Variants in DAB2IP observed in about 807,000 individuals in gnomAD.
DAB2IP encodes the protein DAB2 interacting protein, also known as disabled homolog 2-interacting protein.
Under a neutral mutation model 107.2 loss-of-function variants are expected in DAB2IP, and 28 were observed. The observed-to-expected ratio is 0.26, with a 90% CI of 0.19 to 0.36. DAB2IP has a LOEUF of 0.36. DAB2IP is among the 10% of genes least tolerant of loss of function. The probability of loss-of-function intolerance (pLI) is 1.00; values close to 1 mark genes in which losing one functional copy is unlikely to be tolerated. For synonymous variants in DAB2IP, 755 were observed against 706.4 expected (o/e 1.07, Z -1.09); for missense variants, 1,400 against 1,644.7 (o/e 0.85, Z 2.57).
chr9:121,685,834 C>A (rs956372760), intron 2 of DAB2IP, among the ~76,000 whole-genome samples: 6 of 152,296 alleles, frequency 3.9e-5, no homozygotes, highest in African/African-American at 1.4e-4. Flanking sequence ...ACATTCCAGG[C>A]AAAGGCCAGG....
intron 3 of DAB2IP, among the ~76,000 whole-genome samples, chr9:121,712,852 G>T (rs930734365): frequency 1.5e-4 from 23 of 152,214 alleles, no homozygotes; most frequent in African/African-American, 5.3e-4. Flanking sequence ...TTTCTTTAAT[G>T]CATGGCTCCT....
rs746636789 is a variant in DAB2IP, at chr9:121,699,321, G to C, written c.229-4G>C. 2.1e-5 allele frequency: 30 copies of C among 1,411,722 alleles called. No homozygotes were observed. Among genetic ancestry groups the C allele is most frequent in the African/African-American group, 1.1e-4 (7 of 65,968 alleles). The allele number at this position is 1,411,722 out of a possible 1,614,324, so 87.4% of individuals were successfully genotyped here. A position where few individuals can be genotyped will look rare whatever the true frequency, so the allele number is the denominator to read the frequency against. ...CCTTCCCCCTCTTGTCCCCCCGTGC[G>C]CAGGGCTTCCTCAGCCGCCGCCTCA... On this transcript the variant is annotated splice_polypyrimidine_tract_variant and splice_region_variant and intron_variant, in intron 2 of 15. Coordinates refer to ENST00000408936, the Ensembl canonical transcript of DAB2IP. This position sits in a 1 kb window ranked among gnomAD's most constrained non-coding sequence, Gnocchi z 6.2.
chr9:121,570,679 G>C (rs1168468998), intron 1 of DAB2IP, among the ~76,000 whole-genome samples: 3 of 151,808 alleles, frequency 2.0e-5, no homozygotes, highest in Non-Finnish European at 4.4e-5. Flanking sequence ...CTTCAGAATA[G>C]CTGGACTACA....
exon 9 of DAB2IP, chr9:121,766,503 A>G (rs745410455): frequency 6.2e-7 from 1 of 1,606,534 alleles, no homozygotes; most frequent in East Asian, 2.2e-5. Context: ...GTGTCTTCCC[A>G]CGGGAGTTGA....
chr9:121,682,700 G>C (rs989819842), intron 2 of DAB2IP, among the ~76,000 whole-genome samples: 2 of 152,206 alleles, frequency 1.3e-5, no homozygotes, highest in Non-Finnish European at 2.9e-5. Flanking sequence ...GTACAGTTCA[G>C]GCATAAATAG....
intron 1 of DAB2IP, among the ~76,000 whole-genome samples, chr9:121,641,892 C>CCTTTCTTTCTTTTTCTTT (rs796365103): frequency 1.1e-5 from 1 of 89,334 alleles, no homozygotes; most frequent in African/African-American, 5.3e-5. Context: ...CATTTCTTTC[C>CCTTTCTTTCTTTTTCTTT]CTTTCTTTCT....
intron 3 of DAB2IP, among the ~76,000 whole-genome samples, chr9:121,733,529 C>A (rs949139197): frequency 3.3e-5 from 5 of 152,176 alleles, no homozygotes; most frequent in Non-Finnish European, 7.3e-5. Context: ...AGAAGACGGC[C>A]TGCAGTGTGT....
At chr9:121,680,457 G>T (rs1276709138) in intron 2 of DAB2IP, among the ~76,000 whole-genome samples, 2 of 152,160 alleles carry the variant, frequency 1.3e-5, no homozygotes, top group African/African-American at 2.4e-5. Context: ...AGACGATTCA[G>T]GGTCATGGCC....
rs2118731815 is a variant in DAB2IP at position 121,699,726 on chromosome 9, C to A, written c.362+268C>A. On this transcript the variant is annotated intron_variant, in intron 3 of 15. Transcript: ENST00000408936. This position sits in a 1 kb window ranked among gnomAD's most constrained non-coding sequence, Gnocchi z 6.2. ...CCCGGGCGAGGCCGGGCGCGAAGTC[C>A]CCTCGCAGGGAAGTCCTGCCTCGCC... 6.6e-6 allele frequency among the ~76,000 whole-genome samples: 1 copy of A among 152,258 alleles called. No individual in the cohort carries two copies. Among genetic ancestry groups the A allele is most frequent in the East Asian group, 1.9e-4 (1 of 5,152 alleles).
rs189853438 is a variant in DAB2IP at position 121,620,625 on chromosome 9, T to C, written c.40+53397T>C. Among the ~76,000 whole-genome samples, 410 of 152,288 alleles carry C rather than the reference T, an allele frequency of 2.7e-3. 5 individuals carry two copies. Among genetic ancestry groups the C allele is most frequent in the African/African-American group, 9.0e-3 (372 of 41,558 alleles). ...TAAACTTTGATATTATGTTATTGCT[T>C]GGGGCCTTGGCCAGCCACCCTGGGG... is the stretch of plus-strand genomic sequence containing the variant. On this transcript the variant is annotated intron_variant, in intron 1 of 16. Transcript: ENST00000259371.
At chr9:121,730,169 G>A (rs1326071638) in intron 3 of DAB2IP, among the ~76,000 whole-genome samples, 1 of 152,178 alleles carries the variant, frequency 6.6e-6, no homozygotes, top group Non-Finnish European at 1.5e-5. Flanking sequence ...CTTTTCACAG[G>A]CCTAATGACT....
chr9:121,698,321 C>T lies in DAB2IP; in HGVS notation c.229-1004C>T, dbSNP rs567359037. Reference sequence around the variant, plus strand: ...CCCGGCAGGACACAGGCTGTGTCCCCTGGGGCCCCCACATCTATCCCGTCA... The same window carrying T: ...CCCGGCAGGACACAGGCTGTGTCCCTTGGGGCCCCCACATCTATCCCGTCA... On this transcript the variant is annotated intron_variant, in intron 2 of 15. Coordinates refer to ENST00000408936, the Ensembl canonical transcript of DAB2IP. This position sits in a 1 kb window ranked among gnomAD's most constrained non-coding sequence, Gnocchi z 4.1. Among the ~76,000 whole-genome samples, 27 of 152,238 alleles carry T rather than the reference C, an allele frequency of 1.8e-4. No individual in the cohort carries two copies. Among genetic ancestry groups the T allele is most frequent in the Non-Finnish European group, 3.2e-4 (22 of 68,022 alleles).
chr9:121,715,610 C>T (rs1830559115), intron 3 of DAB2IP, among the ~76,000 whole-genome samples: 1 of 152,140 alleles, frequency 6.6e-6, no homozygotes, highest in African/African-American at 2.4e-5. Flanking sequence ...GCCTCGGCCT[C>T]CCAAAGTGCT....
intron 1 of DAB2IP, among the ~76,000 whole-genome samples, chr9:121,575,611 C>T (rs574995690): frequency 1.9e-4 from 29 of 152,264 alleles, no homozygotes; most frequent in African/African-American, 6.3e-4. Context: ...GCTGCCACAG[C>T]CCTCCTTATT....
intron 1 of DAB2IP, among the ~76,000 whole-genome samples, chr9:121,567,418 C>T (rs567283350): frequency 1.3e-5 from 2 of 152,232 alleles, no homozygotes; most frequent in South Asian, 2.1e-4. Context: ...GTCCCTGGAG[C>T]GGGCAGCCCC....
intron 3 of DAB2IP, among the ~76,000 whole-genome samples, chr9:121,727,110 A>G (rs1831274648): frequency 6.6e-6 from 1 of 152,196 alleles, no homozygotes; most frequent in African/African-American, 2.4e-5. Flanking sequence ...AGCAGGATAA[A>G]GCACTCTGAG....
In DAB2IP at chr9:121,695,340, A is replaced by C. The variant is rs117301481; in HGVS notation, c.229-3985A>C. On this transcript the variant is annotated intron_variant, in intron 2 of 15. Transcript: ENST00000408936. Reference sequence around the variant, plus strand: ...AAAAAGAGGTGGTGGTGCTCAGCCAACATCAGTATTGGTTGCAATAAACCT... The same window carrying C: ...AAAAAGAGGTGGTGGTGCTCAGCCACCATCAGTATTGGTTGCAATAAACCT... Among the ~76,000 whole-genome samples the C allele has an allele frequency of 7.2e-3, 1,090 of 152,310 alleles. 11 individuals are homozygous for C. The highest frequency in any genetic ancestry group is 0.02 in the Middle Eastern group (6 of 294).
intron 3 of DAB2IP, among the ~76,000 whole-genome samples, chr9:121,728,962 G>C (rs1229816252): frequency 1.3e-5 from 2 of 152,152 alleles, no homozygotes; most frequent in Non-Finnish European, 2.9e-5. Flanking sequence ...TTGCCTGGTT[G>C]AGTTACATTA....
At chr9:121,719,034 A>G (rs1415121156) in intron 3 of DAB2IP, among the ~76,000 whole-genome samples, 1 of 152,196 alleles carries the variant, frequency 6.6e-6, no homozygotes, top group African/African-American at 2.4e-5. Context: ...CTCTTGACAT[A>G]TACATGTCCT....
Sources: allele counts gnomAD v4.1 joint callset (sites outside exome capture counted in the v4.1 genomes callset), GRCh38; gene constraint gnomAD v4.1.1; non-coding constraint Gnocchi (gnomAD v3.1); transcripts MANE v1.5; gene names NCBI Gene and HGNC (gene_info 2026-07-23, HGNC 2026-07-21).